The following DPYD variants were observed in gnomAD, a reference collection of about 807,000 sequenced individuals.
DPYD encodes the protein dihydropyrimidine dehydrogenase, also known as dihydropyrimidine dehydrogenase [NADP(+)].
A neutral mutation model predicts 116.2 loss-of-function variants in DPYD; 109 were observed. That is an observed-to-expected ratio of 0.94 (90% CI 0.80 to 1.10). DPYD has a LOEUF of 1.10. Ranked by LOEUF, DPYD falls within the 50% of genes least tolerant of loss-of-function variation. The pLI, the probability that DPYD is intolerant of heterozygous loss-of-function variation, is 0.00. For synonymous variants in DPYD, 440 were observed against 432.0 expected (o/e 1.02, Z -0.23); for missense variants, 1,302 against 1,254.5 (o/e 1.04, Z -0.57).
chr1:97,890,393 GATT>G (rs1278233278), intron 1 of DPYD, among the ~76,000 whole-genome samples: 2 of 151,752 alleles, frequency 1.3e-5, no homozygotes, highest in African/African-American at 4.8e-5. Flanking sequence ...AATGTAACAA[GATT>G]ATTTTTAGTA....
At chr1:97,448,977 T>C (rs1380212330) in intron 14 of DPYD, among the ~76,000 whole-genome samples, 1 of 152,110 alleles carries the variant, frequency 6.6e-6, no homozygotes, top group Admixed American at 6.5e-5. Flanking sequence ...ATTTCAAGTT[T>C]ATTTTATTTC....
intron 8 of DPYD, among the ~76,000 whole-genome samples, chr1:97,598,877 C>T (rs75156114): frequency 0.023 from 3,547 of 152,200 alleles, 140 homozygotes; most frequent in African/African-American, 0.081. Flanking sequence ...AGAAGCAGCG[C>T]CAATTTCTAA....
chr1:97,884,008 G>GA (rs576700312), intron 1 of DPYD: 356 of 279,836 alleles, frequency 1.3e-3, no homozygotes, highest in African/African-American at 7.6e-3. Flanking sequence ...ACTTGTCTTA[G>GA]AAAAAATCTA....
intron 3 of DPYD, among the ~76,000 whole-genome samples, chr1:97,789,202 A>C (rs1667193712): frequency 6.6e-6 from 1 of 152,174 alleles, no homozygotes; most frequent in South Asian, 2.1e-4. Context: ...AATCTGGCTA[A>C]TGTCCACATA....
intron 16 of DPYD, among the ~76,000 whole-genome samples, chr1:97,348,193 T>C (rs938972140): frequency 4.6e-5 from 7 of 152,156 alleles, no homozygotes; most frequent in Non-Finnish European, 1.0e-4. Context: ...TCTTTAATAA[T>C]TCTCAGCACT....
At chr1:97,916,658 G>C (rs975989186) in intron 1 of DPYD, among the ~76,000 whole-genome samples, 1 of 152,088 alleles carries the variant, frequency 6.6e-6, no homozygotes, top group African/African-American at 2.4e-5. Context: ...CCTCCATCAA[G>C]ATCCATCATT....
intron 13 of DPYD, among the ~76,000 whole-genome samples, chr1:97,484,954 G>A (rs1194339794): frequency 6.6e-6 from 1 of 152,054 alleles, no homozygotes; most frequent in Non-Finnish European, 1.5e-5. Context: ...TTATGTCAAG[G>A]AATTTCCTTA....
intron 20 of DPYD, among the ~76,000 whole-genome samples, chr1:97,106,170 G>A (rs942850659): frequency 6.6e-6 from 1 of 152,184 alleles, no homozygotes; most frequent in South Asian, 2.1e-4. Context: ...ATGGGATTCT[G>A]GTAGTGGTAG....
At chr1:97,328,918 G>A (rs1280323157) in intron 16 of DPYD, among the ~76,000 whole-genome samples, 1 of 152,122 alleles carries the variant, frequency 6.6e-6, no homozygotes, top group Non-Finnish European at 1.5e-5. Context: ...GGACTTATTT[G>A]TATCAGCTCT....
chr1:97,593,230 A>G lies in DPYD; in HGVS notation c.1116T>C (p.Ala372=). 6.2e-7 allele frequency: 1 copy of G among 1,614,102 alleles called. No individual in the cohort carries two copies. Among genetic ancestry groups the G allele is most frequent in the East Asian group, 2.2e-5 (1 of 44,872 alleles). Reference sequence around the variant, plus strand: ...GGTTCCATTTTACCTCCTCAGGGACAGCTCTTATATTAACAAAGCCTTTTC... The same window carrying G: ...GGTTCCATTTTACCTCCTCAGGGACGGCTCTTATATTAACAAAGCCTTTTC... ...VFRKGFVNIR[A]VPEEMELAKE... The change falls in exon 10 of 23, where the codon GCT becomes GCC. Residue 372 remains alanine (A), a synonymous_variant. Transcript: ENST00000370192.
chr1:97,783,084 T>C (rs1338087522), intron 3 of DPYD, among the ~76,000 whole-genome samples: 2 of 152,236 alleles, frequency 1.3e-5, no homozygotes, highest in East Asian at 3.9e-4. Flanking sequence ...CCCCTTTCTA[T>C]TTCTTACAGA....
intron 1 of DPYD, among the ~76,000 whole-genome samples, chr1:97,912,553 T>C (rs1187959168): frequency 6.6e-6 from 1 of 152,158 alleles, no homozygotes; most frequent in Non-Finnish European, 1.5e-5. Context: ...ATTACGTGGA[T>C]GACTTGAGTG....
At chr1:97,751,162 T>C (rs1477777151) in intron 3 of DPYD, among the ~76,000 whole-genome samples, 1 of 151,640 alleles carries the variant, frequency 6.6e-6, no homozygotes, top group Non-Finnish European at 1.5e-5. Flanking sequence ...AACTCAAAAT[T>C]ATTAAAAGGT....
intron 3 of DPYD, among the ~76,000 whole-genome samples, chr1:97,765,688 T>G (rs1000114410): frequency 1.3e-5 from 2 of 152,184 alleles, no homozygotes; most frequent in Non-Finnish European, 2.9e-5. Flanking sequence ...CAGTAATACA[T>G]GCACGTTGTT....
rs148813022 is a variant in DPYD, at chr1:97,731,950, A to G, written c.321+8442T>C. Among the ~76,000 whole-genome samples the G allele has an allele frequency of 4.0e-3, 607 of 152,224 alleles. 4 individuals carry two copies. Among genetic ancestry groups the G allele is most frequent in the African/African-American group, 0.014 (572 of 41,560 alleles). On this transcript the variant is annotated intron_variant, in intron 4 of 22. Coordinates refer to ENST00000370192, the MANE Select transcript of DPYD (RefSeq NM_000110.4). Reference sequence around the variant, plus strand: ...CAAAAGCATATGTTTAAATTTGTCTATACTATACACAACCACAAACAATAT... The same window carrying G: ...CAAAAGCATATGTTTAAATTTGTCTGTACTATACACAACCACAAACAATAT...
At chr1:97,714,451 C>T (rs958594899) in intron 5 of DPYD, among the ~76,000 whole-genome samples, 2 of 151,618 alleles carry the variant, frequency 1.3e-5, no homozygotes, top group Non-Finnish European at 2.9e-5. Flanking sequence ...CCTTGTGATC[C>T]GCCTGCCTCG....
intron 10 of DPYD, chr1:97,585,788 T>C (rs1319874570): frequency 1.3e-5 from 2 of 152,170 alleles, no homozygotes; most frequent in African/African-American, 2.4e-5. Context: ...GGGCTTCTAA[T>C]GTTCACCTAA....
chr1:97,197,732 C>T (rs182253254), intron 19 of DPYD, among the ~76,000 whole-genome samples: 1 of 152,290 alleles, frequency 6.6e-6, no homozygotes, highest in East Asian at 1.9e-4. Flanking sequence ...CTCTTTCCCA[C>T]CCACTTCTAG....
chr1:97,507,652 T>C (rs893133456), intron 13 of DPYD, among the ~76,000 whole-genome samples: 1 of 152,030 alleles, frequency 6.6e-6, no homozygotes, highest in African/African-American at 2.4e-5. Flanking sequence ...CATGACATGT[T>C]TGTGAAATTT....
Sources: allele counts gnomAD v4.1 joint callset (sites outside exome capture counted in the v4.1 genomes callset), GRCh38; gene constraint gnomAD v4.1.1; transcripts MANE v1.5; gene names NCBI Gene and HGNC (gene_info 2026-07-23, HGNC 2026-07-21).